The following DMD variants were observed in gnomAD, a reference collection of about 807,000 sequenced individuals.
The protein encoded by DMD is dystrophin.
DMD carries 63 observed loss-of-function variants against 330.1 expected under a neutral mutation model. That is an observed-to-expected ratio of 0.19 (90% confidence interval 0.16 to 0.24). The LOEUF is 0.24. Ranked by LOEUF, DMD falls within the 10% of genes least tolerant of loss-of-function variation. The pLI, the probability that DMD is intolerant of heterozygous loss-of-function variation, is 1.00. For synonymous variants in DMD, 1,223 were observed against 959.8 expected (o/e 1.27, Z -5.07); for missense variants, 3,344 against 2,684.1 (o/e 1.25, Z -5.43).
chrX:32,502,466 A>T (rs2044154852), intron 18 of DMD, among the ~76,000 whole-genome samples: 1 of 111,793 alleles, frequency 8.9e-6, no homozygotes, highest in Non-Finnish European at 1.9e-5. Flanking sequence ...TTTGAACCAC[A>T]AATGCAAAAT....
intron 1 of DMD, among the ~76,000 whole-genome samples, chrX:33,240,898 ATTGGG>A: frequency 9.0e-6 from 1 of 111,610 alleles, no homozygotes; most frequent in Middle Eastern, 4.6e-3. Context: ...CTCATTTTTA[ATTGGG>A]TTATTTGTTT....
At chrX:32,335,836 G>A (rs1468654370) in intron 41 of DMD, among the ~76,000 whole-genome samples, 2 of 102,688 alleles carry the variant, frequency 1.9e-5, no homozygotes, top group Non-Finnish European at 3.9e-5. Flanking sequence ...TATATATAAC[G>A]TGCATATATA....
At chrX:31,925,067 C>G (rs2094750038) in intron 47 of DMD, among the ~76,000 whole-genome samples, 2 of 112,006 alleles carry the variant, frequency 1.8e-5, no homozygotes, top group African/African-American at 6.5e-5. Context: ...TGCTATATTA[C>G]ACAACTGTAA....
chrX:33,194,405 C>T (rs984763865), intron 1 of DMD, among the ~76,000 whole-genome samples: 10 of 109,949 alleles, frequency 9.1e-5, no homozygotes, highest in Non-Finnish European at 1.7e-4. Context: ...TTTTGGCATA[C>T]GGAGATCAAA....
chrX:31,488,355 C>A (rs2068982525), intron 57 of DMD, among the ~76,000 whole-genome samples: 1 of 111,984 alleles, frequency 8.9e-6, no homozygotes, highest in Admixed American at 9.5e-5. Flanking sequence ...TATTAGAAAA[C>A]CCTGTGACAA....
At chrX:32,602,756 G>T (rs1441039222) in intron 12 of DMD, among the ~76,000 whole-genome samples, 1 of 110,888 alleles carries the variant, frequency 9.0e-6, no homozygotes, top group East Asian at 2.9e-4. Context: ...CTTCTATCTA[G>T]ACATTCCCAA....
In DMD at chrX:31,607,523, C is replaced by T. The variant is rs140887100; in HGVS notation, c.8217+20150G>A. On this transcript the variant is annotated intron_variant, in intron 55 of 78. Transcript: ENST00000357033. ...CAACTATACCTAACTCACCTAGCAACAGTTCATGCCGCTAATTCATTTTAA... is the reference window on the plus strand; with the variant it reads ...CAACTATACCTAACTCACCTAGCAATAGTTCATGCCGCTAATTCATTTTAA... 1.2e-3 allele frequency among the ~76,000 whole-genome samples: 137 copies of T among 112,088 alleles called. 1 individual carries two copies. Among genetic ancestry groups the T allele is most frequent in the African/African-American group, 4.2e-3 (131 of 30,912 alleles).
chrX:32,683,798 AG>A (rs1211711694), intron 9 of DMD, among the ~76,000 whole-genome samples: 4 of 108,564 alleles, frequency 3.7e-5, no homozygotes, highest in Non-Finnish European at 7.6e-5. Flanking sequence ...AAAAAAAAAA[AG>A]AAAGAAAGAA....
At chrX:31,535,589 A>C (rs765845862) in intron 55 of DMD, among the ~76,000 whole-genome samples, 14 of 108,074 alleles carry the variant, frequency 1.3e-4, no homozygotes, top group African/African-American at 4.7e-4. Context: ...CAAGGACTTC[A>C]TGTCCAAAAC....
chrX:31,548,171 C>T (rs778943149), intron 55 of DMD, among the ~76,000 whole-genome samples: 1 of 111,687 alleles, frequency 9.0e-6, no homozygotes, highest in South Asian at 3.8e-4. Flanking sequence ...TTCTCATTGC[C>T]CTGCCCCCTG....
intron 1 of DMD, among the ~76,000 whole-genome samples, chrX:33,305,360 T>C (rs1198551914): frequency 5.3e-5 from 5 of 95,226 alleles, no homozygotes; most frequent in African/African-American, 2.0e-4. Context: ...AGGTGGGAAC[T>C]GAACAATGAG....
At chrX:31,275,160 T>A (rs1218642308) in intron 62 of DMD, among the ~76,000 whole-genome samples, 10 of 15,705 alleles carry the variant, frequency 6.4e-4, no homozygotes, top group Non-Finnish European at 1.3e-3. Flanking sequence ...AGGTTTTGTG[T>A]GTGTGTGTGT....
At chrX:32,313,739 C>A (rs770237039) in intron 41 of DMD, among the ~76,000 whole-genome samples, 4 of 111,701 alleles carry the variant, frequency 3.6e-5, no homozygotes, top group African/African-American at 9.7e-5. Context: ...AAATCACAAG[C>A]ATTCCTATAA....
chrX:31,746,246 T>C (rs1261746500), intron 51 of DMD, among the ~76,000 whole-genome samples: 3 of 112,128 alleles, frequency 2.7e-5, no homozygotes, highest in Non-Finnish European at 5.6e-5. Context: ...ATACTACCTG[T>C]AGATGGGAAG....
chrX:33,334,061 G>A (rs751826225), intron 1 of DMD, among the ~76,000 whole-genome samples: 14 of 110,871 alleles, frequency 1.3e-4, no homozygotes, highest in Non-Finnish European at 2.3e-4. Context: ...ATACACTAAC[G>A]GAAAAGCAGC....
intron 17 of DMD, among the ~76,000 whole-genome samples, chrX:32,525,256 G>A (rs751530665): frequency 8.9e-6 from 1 of 112,018 alleles, no homozygotes; most frequent in South Asian, 3.7e-4. Context: ...TGTGCAGTCA[G>A]CCTACACTCT....
At chrX:32,369,158 C>T (rs1383486266) in intron 34 of DMD, among the ~76,000 whole-genome samples, 1 of 111,725 alleles carries the variant, frequency 9.0e-6, no homozygotes, top group East Asian at 2.8e-4. Context: ...TACTTTGTAA[C>T]ATTTGATAGC....
intron 1 of DMD, among the ~76,000 whole-genome samples, chrX:33,119,282 G>T (rs1299363909): frequency 8.9e-6 from 1 of 112,057 alleles, no homozygotes; most frequent in Non-Finnish European, 1.9e-5. Flanking sequence ...TGAGCTCAAG[G>T]AAGTAAAGAA....
intron 28 of DMD, among the ~76,000 whole-genome samples, chrX:32,440,607 A>G (rs1221834782): frequency 1.8e-5 from 2 of 111,716 alleles, no homozygotes; most frequent in African/African-American, 3.2e-5. Context: ...TAAATGTCAG[A>G]AGTTAAAGTC....
Sources: allele counts gnomAD v4.1 joint callset (sites outside exome capture counted in the v4.1 genomes callset), GRCh38; gene constraint gnomAD v4.1.1; transcripts MANE v1.5; gene names NCBI Gene and HGNC (gene_info 2026-07-23, HGNC 2026-07-21).